Variants in TFPI observed in about 807,000 individuals in gnomAD.
The protein encoded by TFPI is anti-convertin.
In TFPI, 15 loss-of-function variants were observed where a neutral mutation model predicts 34.6. That is an observed-to-expected ratio of 0.43 (90% CI 0.29 to 0.67). TFPI has a LOEUF of 0.67. Ranked by LOEUF, TFPI falls within the 30% of genes least tolerant of loss-of-function variation. The probability of loss-of-function intolerance (pLI) is 0.15; values close to 1 mark genes in which losing one functional copy is unlikely to be tolerated. For synonymous variants in TFPI, 105 were observed against 120.1 expected, an observed-to-expected ratio of 0.87 and a Z score of 0.82; for missense variants, 301 against 364.0, an observed-to-expected ratio of 0.83 and a Z score of 1.41.
intron 2 of TFPI, among the ~76,000 whole-genome samples, chr2:187,498,489 A>T (rs966278830): frequency 6.6e-6 from 1 of 151,862 alleles, no homozygotes; most frequent in Non-Finnish European, 1.5e-5. Context: ...GAGTCATAAA[A>T]TTGTAAGTAG....
chr2:187,503,806 A>G, intron 1 of TFPI, 36 bp from the exon 2 acceptor site: 1 of 1,604,930 alleles, frequency 6.2e-7, no homozygotes, highest in South Asian at 1.1e-5. Flanking sequence ...TAATAAATAA[A>G]GTGTTAATAT....
intron 1 of TFPI, among the ~76,000 whole-genome samples, chr2:187,526,141 T>C (rs1199796056): frequency 1.3e-5 from 2 of 152,120 alleles, no homozygotes; most frequent in Non-Finnish European, 2.9e-5. Flanking sequence ...AGCTCAGTAT[T>C]TATAGATCTT....
chr2:187,519,651 T>G (rs1687242401), intron 1 of TFPI: 1 of 152,336 alleles, frequency 6.6e-6, no homozygotes. Context: ...AGGCAGTCTG[T>G]CTCTTACCAG....
intron 6 of TFPI, among the ~76,000 whole-genome samples, chr2:187,469,092 A>G (rs1413165812): frequency 6.6e-6 from 1 of 152,072 alleles, no homozygotes; most frequent in Non-Finnish European, 1.5e-5. Context: ...AAAAAAATGA[A>G]AAAAAATCTC....
chr2:187,511,917 A>AAG (rs138592131), intron 1 of TFPI, among the ~76,000 whole-genome samples: 7 of 151,152 alleles, frequency 4.6e-5, no homozygotes, highest in East Asian at 1.9e-4. Context: ...GAGTCAAGGA[A>AAG]AGAGAGAGAG....
At chr2:187,547,690 G>A (rs893303773) in intron 1 of TFPI, 4 of 152,130 alleles carry the variant, frequency 2.6e-5, no homozygotes, top group Admixed American at 6.5e-5. Context: ...TGAGAACTAT[G>A]GGTCCTGAGA....
At chr2:187,500,877 T>G (rs1685804055) in intron 2 of TFPI, among the ~76,000 whole-genome samples, 1 of 152,174 alleles carries the variant, frequency 6.6e-6, no homozygotes, top group Non-Finnish European at 1.5e-5. Context: ...TAAACCCTTT[T>G]GAATGTTAAT....
chr2:187,475,281 TATAAG>T (rs1692301487), intron 6 of TFPI, among the ~76,000 whole-genome samples: 1 of 152,152 alleles, frequency 6.6e-6, no homozygotes, highest in Admixed American at 6.5e-5. Context: ...TTCAATTAGT[TATAAG>T]ATCCAAAGAC....
intron 1 of TFPI, among the ~76,000 whole-genome samples, chr2:187,546,558 G>A (rs1688876093): frequency 6.6e-6 from 1 of 151,110 alleles, no homozygotes; most frequent in Non-Finnish European, 1.5e-5. Flanking sequence ...ACGAATGCAA[G>A]ATAATACAAT....
At chr2:187,481,703 G>T (rs762969534) in intron 6 of TFPI, among the ~76,000 whole-genome samples, 8 of 151,826 alleles carry the variant, frequency 5.3e-5, no homozygotes, top group Non-Finnish European at 1.2e-4. Flanking sequence ...CTTAGAAAAA[G>T]GAAAAGGGGT....
intron 1 of TFPI, among the ~76,000 whole-genome samples, chr2:187,541,968 A>C (rs529455996): frequency 6.6e-5 from 10 of 152,298 alleles, no homozygotes; most frequent in Admixed American, 6.5e-4. Flanking sequence ...GGATTTAATG[A>C]CAATGGCATC....
intron 6 of TFPI, among the ~76,000 whole-genome samples, chr2:187,476,990 T>G (rs1692419356): frequency 6.6e-6 from 1 of 152,228 alleles, no homozygotes; most frequent in Non-Finnish European, 1.5e-5. Flanking sequence ...TTTTAAGTAA[T>G]TTGGCTTACA....
At chr2:187,550,113 A>G (rs1689041378) in intron 1 of TFPI, among the ~76,000 whole-genome samples, 1 of 152,112 alleles carries the variant, frequency 6.6e-6, no homozygotes. Flanking sequence ...TAGTTAGGGT[A>G]TATAGTACCG....
At chr2:187,485,082 A>G in intron 4 of TFPI, 95 bp from the exon 5 acceptor site, 1 of 907,290 alleles carries the variant, frequency 1.1e-6, no homozygotes, top group Non-Finnish European at 1.5e-6. Flanking sequence ...AAGTTATTGA[A>G]GGAGTAAGCA....
At chr2:187,480,394 A>T (rs1692762448) in intron 6 of TFPI, among the ~76,000 whole-genome samples, 1 of 152,082 alleles carries the variant, frequency 6.6e-6, no homozygotes, top group South Asian at 2.1e-4. Context: ...GACTGATTTA[A>T]CCTCACAACA....
chr2:187,544,270 G>A (rs1412435656), intron 1 of TFPI, among the ~76,000 whole-genome samples: 1 of 152,014 alleles, frequency 6.6e-6, no homozygotes, highest in Non-Finnish European at 1.5e-5. Context: ...AAACTGACCT[G>A]ACATTAAAGC....
intron 6 of TFPI, among the ~76,000 whole-genome samples, chr2:187,480,575 A>C (rs1011378886): frequency 1.3e-5 from 2 of 152,136 alleles, no homozygotes; most frequent in Non-Finnish European, 2.9e-5. Context: ...TATTTCAATC[A>C]TGGGGGAAAT....
chr2:187,469,656 GTT>G (rs1414998207), intron 6 of TFPI, among the ~76,000 whole-genome samples: 1 of 152,030 alleles, frequency 6.6e-6, no homozygotes, highest in Non-Finnish European at 1.5e-5. Context: ...ACACAATACT[GTT>G]TTACTAACTG....
At chr2:187,540,363 G>A (rs1175345683) in intron 1 of TFPI, among the ~76,000 whole-genome samples, 3 of 152,098 alleles carry the variant, frequency 2.0e-5, no homozygotes, top group African/African-American at 7.2e-5. Context: ...AAGCCCCACT[G>A]CATATTCAGT....
Sources: gnomAD v4.1 joint callset for allele counts (sites outside exome capture counted in the v4.1 genomes callset) on GRCh38, gnomAD v4.1.1 for gene constraint, MANE v1.5 for transcripts, NCBI Gene and HGNC (gene_info 2026-07-23, HGNC 2026-07-21) for gene names.